SUMF1: variants seen among roughly 807,000 people sequenced by gnomAD.
SUMF1 encodes the protein formylglycine-generating enzyme.
In SUMF1, 48 loss-of-function variants were observed where a neutral mutation model predicts 47.6. The ratio of observed to expected loss-of-function variants is 1.01; its 90% CI spans 0.80 to 1.28. The LOEUF is 1.28. Ranked by LOEUF, SUMF1 falls within the 50% of genes most tolerant of loss-of-function variation. SUMF1 has a pLI of 0.00. For synonymous variants in SUMF1, 230 were observed against 192.1 expected, an observed-to-expected ratio of 1.20 and a Z score of -1.63; for missense variants, 571 against 485.4, an observed-to-expected ratio of 1.18 and a Z score of -1.66.
intron 8 of SUMF1, among the ~76,000 whole-genome samples, chr3:4,285,739 T>C (rs1416404802): frequency 6.6e-6 from 1 of 152,146 alleles, no homozygotes; most frequent in Non-Finnish European, 1.5e-5. Context: ...TGATCAGTAC[T>C]GTATGAGGGA....
intron 8 of SUMF1, among the ~76,000 whole-genome samples, chr3:4,302,131 A>G (rs1697984040): frequency 6.6e-6 from 1 of 152,222 alleles, no homozygotes; most frequent in Non-Finnish European, 1.5e-5. Context: ...GACAGGTCTC[A>G]ATTTAGAAAG....
At chr3:4,392,948 T>C (rs1415904636) in intron 7 of SUMF1, among the ~76,000 whole-genome samples, 2 of 152,260 alleles carry the variant, frequency 1.3e-5, no homozygotes, top group East Asian at 3.9e-4. Flanking sequence ...TCACCTTTCA[T>C]GAACCAAGGT....
chr3:4,129,927 C>A (rs1001284753), intron 8 of SUMF1, among the ~76,000 whole-genome samples: 1 of 152,114 alleles, frequency 6.6e-6, no homozygotes, highest in Non-Finnish European at 1.5e-5. Flanking sequence ...TAGCAGTTGG[C>A]AGAACCCCCA....
intron 8 of SUMF1, among the ~76,000 whole-genome samples, chr3:4,264,683 C>G (rs138246827): frequency 1.5e-3 from 236 of 152,262 alleles, no homozygotes; most frequent in Middle Eastern, 0.014. Context: ...GGTACTTTCA[C>G]ATCAGAAAGT....
chr3:4,128,082 A>T (rs1350698970), intron 8 of SUMF1, among the ~76,000 whole-genome samples: 1 of 152,154 alleles, frequency 6.6e-6, no homozygotes, highest in African/African-American at 2.4e-5. Flanking sequence ...AAAGAAAATG[A>T]TGAACTCAGG....
At chr3:4,303,260 A>G in intron 8 of SUMF1, 2 of 1,246,976 alleles carry the variant, frequency 1.6e-6, no homozygotes, top group Non-Finnish European at 2.1e-6. Context: ...ACTCCTGAGA[A>G]GAAACGAACT....
chr3:4,438,448 C>A (rs1702473320), intron 3 of SUMF1, among the ~76,000 whole-genome samples: 2 of 152,108 alleles, frequency 1.3e-5, no homozygotes, highest in Admixed American at 6.5e-5. Flanking sequence ...TGTGTGATCA[C>A]CCTTGATATC....
chr3:4,238,894 T>A (rs569907349), intron 8 of SUMF1, among the ~76,000 whole-genome samples: 1 of 152,316 alleles, frequency 6.6e-6, no homozygotes, highest in Non-Finnish European at 1.5e-5. Flanking sequence ...CTTCCAGGGC[T>A]TTTATGGTTT....
At chr3:4,405,991 T>C (rs1037695878) in intron 7 of SUMF1, among the ~76,000 whole-genome samples, 4 of 152,150 alleles carry the variant, frequency 2.6e-5, no homozygotes, top group Non-Finnish European at 5.9e-5. Context: ...GCAATCACTA[T>C]TTATAAATAT....
At chr3:4,143,610 T>A (rs1164518295) in intron 8 of SUMF1, among the ~76,000 whole-genome samples, 1 of 152,130 alleles carries the variant, frequency 6.6e-6, no homozygotes, top group African/African-American at 2.4e-5. Flanking sequence ...TAAAAACCCA[T>A]TTTCTGTGTA....
At chr3:4,177,575 C>G (rs546176229) in intron 8 of SUMF1, among the ~76,000 whole-genome samples, 33 of 152,190 alleles carry the variant, frequency 2.2e-4, no homozygotes, top group African/African-American at 7.5e-4. Flanking sequence ...TAAATGCCCA[C>G]AAGAGAAAGC....
At chr3:4,179,318 C>G (rs191366799) in intron 8 of SUMF1, among the ~76,000 whole-genome samples, 81 of 152,020 alleles carry the variant, frequency 5.3e-4, no homozygotes, top group Middle Eastern at 3.4e-3. Context: ...AAACAGCATG[C>G]TACTGGTACC....
chr3:4,423,315 C>CACA (rs1491344267), intron 3 of SUMF1, among the ~76,000 whole-genome samples: 1 of 143,494 alleles, frequency 7.0e-6, no homozygotes, highest in African/African-American at 2.5e-5. Context: ...CACACACACA[C>CACA]AATGGAATAC....
intron 8 of SUMF1, among the ~76,000 whole-genome samples, chr3:4,146,350 G>T (rs1185602654): frequency 1.3e-5 from 2 of 151,908 alleles, no homozygotes; most frequent in African/African-American, 4.8e-5. Flanking sequence ...GAAAAAGAGG[G>T]AGCCACAGTC....
intron 8 of SUMF1, among the ~76,000 whole-genome samples, chr3:4,154,740 T>G (rs1477883486): frequency 6.6e-6 from 1 of 151,576 alleles, no homozygotes; most frequent in East Asian, 1.9e-4. Flanking sequence ...GTCCATAGAC[T>G]GATAATTTTT....
intron 8 of SUMF1, among the ~76,000 whole-genome samples, chr3:4,344,208 C>T (rs61217107): frequency 0.02 from 2,978 of 152,266 alleles, 92 homozygotes; most frequent in African/African-American, 0.069. Flanking sequence ...TGTCGTGACC[C>T]ACGGAGAGAA....
At chr3:4,308,282 C>A (rs576106270) in intron 8 of SUMF1, among the ~76,000 whole-genome samples, 1 of 152,340 alleles carries the variant, frequency 6.6e-6, no homozygotes, top group African/African-American at 2.4e-5. Flanking sequence ...ATTTTCTTCA[C>A]TACCCTACTA....
At chr3:4,412,612 C>CGTG (rs1342371736) in intron 6 of SUMF1, among the ~76,000 whole-genome samples, 1 of 152,020 alleles carries the variant, frequency 6.6e-6, no homozygotes, top group Non-Finnish European at 1.5e-5. Flanking sequence ...GGCCAGGTGC[C>CGTG]GTGGCTCATG....
chr3:4,197,428 C>A (rs1695453148), intron 8 of SUMF1, among the ~76,000 whole-genome samples: 1 of 152,048 alleles, frequency 6.6e-6, no homozygotes, highest in Admixed American at 6.6e-5. Flanking sequence ...AAAGATTAAA[C>A]TTACACCATG....
Sources: allele counts gnomAD v4.1 joint callset (sites outside exome capture counted in the v4.1 genomes callset), GRCh38; gene constraint gnomAD v4.1.1; transcripts MANE v1.5; gene names NCBI Gene and HGNC (gene_info 2026-07-23, HGNC 2026-07-21).